GPHN: variants seen among roughly 807,000 people sequenced by gnomAD.
The protein encoded by GPHN is gephyrin.
Under a neutral mutation model 95.5 loss-of-function variants are expected in GPHN, and 17 were observed. That is an observed-to-expected ratio of 0.18 (90% CI 0.12 to 0.27). The LOEUF is 0.27. Among genes scored for constraint, GPHN ranks in the 10% least tolerant of loss-of-function variants. The pLI is 1.00. For synonymous variants in GPHN, 320 were observed against 322.5 expected (o/e 0.99, Z 0.08); for missense variants, 660 against 978.1 (o/e 0.67, Z 4.34).
chr14:67,161,906 T>C (rs2082002168), intron 19 of GPHN, among the ~76,000 whole-genome samples: 1 of 152,224 alleles, frequency 6.6e-6, no homozygotes, highest in South Asian at 2.1e-4. Context: ...TTCAATCTGT[T>C]ATTTACCACT....
At chr14:67,690,955 C>T in the GPHN span, 28 of 592,226 alleles carry the variant, frequency 4.7e-5, no homozygotes, top group African/African-American at 4.4e-4. Flanking sequence ...GATTAAAAAG[C>T]GGGCAGAACC....
At chr14:67,207,020 T>C in the GPHN span, among the ~76,000 whole-genome samples, 154 of 152,314 alleles carry the variant, frequency 1.0e-3, no homozygotes, top group African/African-American at 3.6e-3. Context: ...TTATTCATTA[T>C]AGGATTTTCC....
the GPHN span, among the ~76,000 whole-genome samples, chr14:67,220,625 TA>T: frequency 2.0e-5 from 3 of 152,200 alleles, no homozygotes; most frequent in Non-Finnish European, 4.4e-5. Context: ...AAAACATTTA[TA>T]TTTTTTTCTC....
At chr14:66,801,780 C>T (rs557941133) in intron 3 of GPHN, among the ~76,000 whole-genome samples, 3 of 150,770 alleles carry the variant, frequency 2.0e-5, no homozygotes, top group Admixed American at 1.3e-4. Context: ...CACTTTCTGG[C>T]TACCATCTAT....
intron 3 of GPHN, among the ~76,000 whole-genome samples, chr14:66,782,948 G>A (rs555377700): frequency 6.6e-6 from 1 of 152,302 alleles, no homozygotes; most frequent in South Asian, 2.1e-4. Flanking sequence ...GAAATGACAT[G>A]GCAGTGAGTT....
At chr14:67,235,456 T>C in the GPHN span, among the ~76,000 whole-genome samples, 3 of 151,944 alleles carry the variant, frequency 2.0e-5, no homozygotes, top group Non-Finnish European at 4.4e-5. Flanking sequence ...TGGCTCACGC[T>C]TGTAATCCCA....
the GPHN span, chr14:67,729,337 G>A: frequency 7.5e-6 from 12 of 1,598,458 alleles, no homozygotes; most frequent in Non-Finnish European, 1.0e-5. Flanking sequence ...CCTGCACTGC[G>A]CCCTGGCTGA....
the GPHN span, among the ~76,000 whole-genome samples, chr14:67,477,153 C>T: frequency 3.7e-5 from 5 of 136,010 alleles, no homozygotes; most frequent in Admixed American, 7.3e-5. Flanking sequence ...ACAACAAGAG[C>T]GAAACTCCAT....
chr14:66,967,253 T>C (rs975583888), intron 9 of GPHN, among the ~76,000 whole-genome samples: 1 of 151,982 alleles, frequency 6.6e-6, no homozygotes, highest in African/African-American at 2.4e-5. Flanking sequence ...AGTTTGAATG[T>C]TGATATTTTA....
At chr14:67,078,029 A>G (rs1214797993) in intron 11 of GPHN, among the ~76,000 whole-genome samples, 2 of 152,178 alleles carry the variant, frequency 1.3e-5, no homozygotes, top group East Asian at 1.9e-4. Context: ...CAAATTGAAG[A>G]CATTATTTTA....
At chr14:66,900,468 A>C (rs1444281121) in intron 5 of GPHN, among the ~76,000 whole-genome samples, 1 of 149,818 alleles carries the variant, frequency 6.7e-6, no homozygotes, top group African/African-American at 2.5e-5. Flanking sequence ...TTTTTAATCT[A>C]TCTAACACTA....
At chr14:66,791,255 G>T (rs991361389) in intron 3 of GPHN, among the ~76,000 whole-genome samples, 1 of 152,170 alleles carries the variant, frequency 6.6e-6, no homozygotes, top group African/African-American at 2.4e-5. Flanking sequence ...TTGGGTTGGG[G>T]GTTTCCTCAG....
chr14:66,541,334 A>T (rs1594883514), intron 1 of GPHN, among the ~76,000 whole-genome samples: 1 of 152,308 alleles, frequency 6.6e-6, no homozygotes, highest in East Asian at 1.9e-4. Context: ...GATAAGAAAA[A>T]TGGAATTCTA....
rs555231894 is a variant in GPHN, at chr14:66,822,172, G to A, written c.202-2302G>A. ...TCACCATCTTGGCCTGGGTGGCCTC[G>A]ATCTCCTGACCTCATGATCCACCCA... On this transcript the variant is annotated intron_variant, in intron 3 of 22. Transcript: ENST00000478722. Among the ~76,000 whole-genome samples the A allele has an allele frequency of 2.6e-5, 4 of 152,194 alleles. No individual in the cohort carries two copies. In the East Asian group the frequency reaches 7.7e-4, roughly 29 times the overall value.
At chr14:66,554,433 A>G (rs888907571) in intron 1 of GPHN, among the ~76,000 whole-genome samples, 5 of 152,342 alleles carry the variant, frequency 3.3e-5, no homozygotes, top group African/African-American at 1.2e-4. Context: ...TCACAGTTGC[A>G]CATGGCTAGG....
chr14:67,157,875 T>TG (rs2081701481), intron 18 of GPHN, among the ~76,000 whole-genome samples: 1 of 103,410 alleles, frequency 9.7e-6, no homozygotes, highest in East Asian at 2.6e-4. Flanking sequence ...GCGGCGGGGG[T>TG]GGGGCAGGGG....
At chr14:67,018,765 T>G (rs913492659) in intron 9 of GPHN, among the ~76,000 whole-genome samples, 1 of 152,200 alleles carries the variant, frequency 6.6e-6, no homozygotes, top group African/African-American at 2.4e-5. Flanking sequence ...CTACTGACAT[T>G]TATTTTCATT....
chr14:66,546,911 G>T (rs906997737), intron 1 of GPHN, among the ~76,000 whole-genome samples: 1 of 152,192 alleles, frequency 6.6e-6, no homozygotes, highest in East Asian at 1.9e-4. Context: ...TAATGTACTT[G>T]TATGGGCCTC....
At chr14:66,564,335 A>T (rs1483247258) in intron 1 of GPHN, among the ~76,000 whole-genome samples, 1 of 152,210 alleles carries the variant, frequency 6.6e-6, no homozygotes, top group African/African-American at 2.4e-5. Context: ...TTTGAATATC[A>T]AAAAACTTGG....
Sources: allele counts gnomAD v4.1 joint callset (sites outside exome capture counted in the v4.1 genomes callset), GRCh38; gene constraint gnomAD v4.1.1; transcripts MANE v1.5; gene names NCBI Gene and HGNC (gene_info 2026-07-23, HGNC 2026-07-21).